The following SEC23A variants were observed in gnomAD, a reference collection of about 807,000 sequenced individuals.
The protein encoded by SEC23A is SEC23 homolog A, COPII component.
SEC23A carries 56 observed loss-of-function variants against 103.7 expected under a neutral mutation model. The ratio of observed to expected loss-of-function variants is 0.54; its 90% CI spans 0.44 to 0.67. The LOEUF is 0.67. SEC23A is among the 30% of genes least tolerant of loss of function. SEC23A has a pLI of 0.00. For synonymous variants in SEC23A, 281 were observed against 293.0 expected, an observed-to-expected ratio of 0.96 and a Z score of 0.42; for missense variants, 784 against 936.4, an observed-to-expected ratio of 0.84 and a Z score of 2.12.
At position 39,063,505 on chromosome 14, in the gene SEC23A, A is replaced by G. The variant is rs993531583; in HGVS notation, c.1309-92T>C. 6.0e-5 allele frequency: 47 copies of G among 780,140 alleles called. No homozygotes were observed. The African/African-American group carries it at 7.9e-4, about 13-fold the overall frequency. The allele number at this position is 780,140 out of a possible 1,614,324, so 48.3% of individuals were successfully genotyped here. On this transcript the variant is annotated intron_variant, in intron 11 of 19. Coordinates refer to ENST00000307712, the MANE Select transcript of SEC23A (RefSeq NM_006364.4). ...AAAATGGAAAAAGACCACAGGAAAAAAAAAAGTCATGTTTCAAACTAATTC... is the reference window on the plus strand; with the variant it reads ...AAAATGGAAAAAGACCACAGGAAAAGAAAAAGTCATGTTTCAAACTAATTC...
chr14:39,049,374 G>T (rs888061367), intron 14 of SEC23A, among the ~76,000 whole-genome samples: 1 of 151,920 alleles, frequency 6.6e-6, no homozygotes, highest in Non-Finnish European at 1.5e-5. Flanking sequence ...TACATGGGAG[G>T]CTGAGGCAAA....
chr14:39,033,255 AC>A lies in SEC23A; in HGVS notation c.2281del (p.Val761CysfsTer19). 1 of 1,611,426 alleles carries A rather than the reference AC, an allele frequency of 6.2e-7. No individual in the cohort carries two copies. Among genetic ancestry groups the A allele is most frequent in the Non-Finnish European group, 8.5e-7 (1 of 1,177,544 alleles). On this transcript the variant is annotated frameshift_variant, in exon 20 of 20. Coordinates refer to ENST00000307712, the MANE Select transcript of SEC23A (RefSeq NM_006364.4). LOFTEE classifies it high-confidence loss of function. ...ATTAGCACTTCAAGCAGCACTGGAC[AC>A]AGCAAGTTTCTTCAAGTGATCCATA... ...VFMDHLKKLAVSSAA is the reference protein window; with the variant it reads ...VFMDHLKKLAXSSAA
At chr14:39,044,238 C>A (rs1311889968) in intron 16 of SEC23A, among the ~76,000 whole-genome samples, 1 of 152,090 alleles carries the variant, frequency 6.6e-6, no homozygotes, top group Non-Finnish European at 1.5e-5. Flanking sequence ...TTCCAATTTT[C>A]TTCTAAACAC....
intron 1 of SEC23A, among the ~76,000 whole-genome samples, chr14:39,102,175 T>C (rs948238527): frequency 1.8e-4 from 27 of 151,296 alleles, no homozygotes; most frequent in Admixed American, 4.0e-4. Context: ...GAGGTTGCAG[T>C]GAGCCGAGAT....
chr14:39,039,194 G>T, intron 18 of SEC23A, 98 bp from the exon 19 acceptor site: 1 of 976,944 alleles, frequency 1.0e-6, no homozygotes, highest in Non-Finnish European at 1.6e-6. Flanking sequence ...TATTTAGTAT[G>T]TGTTGGTAAA....
chr14:39,053,584 A>C (rs1307853667), intron 14 of SEC23A, among the ~76,000 whole-genome samples: 1 of 152,138 alleles, frequency 6.6e-6, no homozygotes, highest in Non-Finnish European at 1.5e-5. Flanking sequence ...CTAGTATAAA[A>C]AAAACTCTTG....
At chr14:39,043,421 C>A (rs1170662335) in intron 16 of SEC23A, among the ~76,000 whole-genome samples, 1 of 152,072 alleles carries the variant, frequency 6.6e-6, no homozygotes, top group Admixed American at 6.6e-5. Context: ...AGAGTAAAGT[C>A]AAGAAGAATT....
intron 16 of SEC23A, 95 bp from the exon 17 acceptor site, chr14:39,042,967 TTTTA>T (rs748814429): frequency 1.5e-4 from 120 of 810,300 alleles, no homozygotes; most frequent in Middle Eastern, 6.9e-4. Flanking sequence ...TCCAAGTTTC[TTTTA>T]TTTATTTATT....
intron 5 of SEC23A, among the ~76,000 whole-genome samples, chr14:39,089,801 C>T (rs915754130): frequency 2.0e-5 from 3 of 152,188 alleles, no homozygotes; most frequent in Non-Finnish European, 4.4e-5. Context: ...TACAAAAATA[C>T]CAAAATTAGC....
At chr14:39,093,166 A>G (rs370525625) in intron 3 of SEC23A, 21 bp downstream of exon 3, 10 of 1,607,924 alleles carry the variant, frequency 6.2e-6, no homozygotes, top group East Asian at 2.2e-5. Flanking sequence ...TGCGCCCGGC[A>G]TGCAATGGAT....
In SEC23A at chr14:39,063,348, G is replaced by A. The variant is rs761708809; in HGVS notation, c.1374C>T (p.Ala458=). The part of the protein sequence containing the change: ...ICGLSPTTTL[A]IYFEVVNQHN... ...CCTGATTGACAACCTCAAAATATATGGCTAAGGTTGTAGTGGGACTAAGTC... is the reference window on the plus strand; with the variant it reads ...CCTGATTGACAACCTCAAAATATATAGCTAAGGTTGTAGTGGGACTAAGTC... The change falls in exon 12 of 20, where the codon GCC becomes GCT. Residue 458 remains alanine, a synonymous_variant. Coordinates refer to ENST00000307712, the MANE Select transcript of SEC23A (RefSeq NM_006364.4). The A allele has an allele frequency of 3.1e-6, 5 of 1,609,784 alleles. No homozygotes were observed. The South Asian group carries it at 5.5e-5, about 18-fold the overall frequency.
At chr14:39,086,407 G>T (rs1486043471) in intron 6 of SEC23A, among the ~76,000 whole-genome samples, 1 of 152,182 alleles carries the variant, frequency 6.6e-6, no homozygotes, top group Admixed American at 6.5e-5. Context: ...GGGAGGCCGA[G>T]GAGGGAGGAT....
In SEC23A at chr14:39,045,209, A is replaced by G. The variant is rs751117084; in HGVS notation, c.1853T>C (p.Met618Thr). Residue 618 changes from methionine to threonine, a missense_variant, in exon 16 of 20, where the codon ATG (methionine) becomes ACG (threonine). By Grantham distance (81) the Met-to-Thr change is moderately conservative. Around this residue, in one of 2 missense-constraint regions of SEC23A, gnomAD observed 683 missense variants for 774.2 expected, o/e 0.88. Transcript: ENST00000307712. ...MRQDLTQSLI[M>T]IQPILYAYSF... ...ATACGCATACAGGATAGGCTGAATC[A>G]TAATTAGAGACTGGGTCAGATCTTG... 3.7e-6 allele frequency: 6 copies of G among 1,613,742 alleles called. No individual in the cohort carries two copies. The highest frequency in any genetic ancestry group is 5.1e-6 in the Non-Finnish European group (6 of 1,179,798).
At chr14:39,038,199 A>C (rs1885522273) in intron 19 of SEC23A, among the ~76,000 whole-genome samples, 1 of 152,098 alleles carries the variant, frequency 6.6e-6, no homozygotes, top group Non-Finnish European at 1.5e-5. Flanking sequence ...TGCAATTTCC[A>C]ATTACTGAAA....
At chr14:39,071,936 T>C (rs1389058847) in intron 9 of SEC23A, among the ~76,000 whole-genome samples, 4 of 151,580 alleles carry the variant, frequency 2.6e-5, no homozygotes, top group Non-Finnish European at 5.9e-5. Flanking sequence ...AACAATACCA[T>C]CAAGAATGTG....
At chr14:39,067,420 C>T in intron 9 of SEC23A, 124 bp from the exon 10 acceptor site, 1 of 988,808 alleles carries the variant, frequency 1.0e-6, no homozygotes, top group East Asian at 2.6e-5. Context: ...CCAAAATGTG[C>T]TGTATTACTA....
rs201378245 is a variant in SEC23A, at chr14:39,085,878, T to C, written c.712A>G (p.Met238Val). The stretch of plus-strand genomic sequence containing the variant: ...TCTCCCAGAAGATCTGTGAGATTCA[T>C]GTCTATTTTCTGTACTGGTTGTAAG... ...RFLQPVQKIDMNLTDLLGELQ... is the reference protein window; with the variant it reads ...RFLQPVQKIDVNLTDLLGELQ... The change falls in exon 7 of 20, where the codon ATG (methionine) becomes GTG (valine). Residue 238 changes from methionine (M) to valine (V), a missense_variant. Around this residue, in one of 2 missense-constraint regions of SEC23A, gnomAD observed 683 missense variants for 774.2 expected, o/e 0.88. Coordinates refer to ENST00000307712, the MANE Select transcript of SEC23A (RefSeq NM_006364.4). 134 of 1,613,774 alleles carry C rather than the reference T, an allele frequency of 8.3e-5. No homozygotes were observed. Among genetic ancestry groups the C allele is most frequent in the Non-Finnish European group, 5.1e-5 (60 of 1,179,632 alleles).
intron 11 of SEC23A, 198 bp downstream of exon 11, chr14:39,064,715 C>T (rs1886596838): frequency 5.1e-6 from 3 of 586,130 alleles, no homozygotes; most frequent in East Asian, 3.0e-5. Flanking sequence ...TGGTGCTGTC[C>T]TGTGCGTTCG....
At chr14:39,047,885 T>G (rs911654422) in intron 15 of SEC23A, among the ~76,000 whole-genome samples, 2 of 152,212 alleles carry the variant, frequency 1.3e-5, no homozygotes, top group African/African-American at 4.8e-5. Context: ...GAGGGATAGA[T>G]TCCACTGCTC....
Sources: gnomAD v4.1 joint callset for allele counts (sites outside exome capture counted in the v4.1 genomes callset) on GRCh38, gnomAD v4.1.1 for gene constraint, gnomAD v4.1.1 regional missense constraint, MANE v1.5 for transcripts, NCBI Gene and HGNC (gene_info 2026-07-23, HGNC 2026-07-21) for gene names.